The following C14orf132 variants were observed in gnomAD, a reference collection of about 807,000 sequenced individuals.
C14orf132 encodes the protein chromosome 14 open reading frame 132.
In C14orf132, 6 loss-of-function variants were observed where a neutral mutation model predicts 5.8. The observed-to-expected ratio is 1.03, with a 90% CI of 0.57 to 2.04. C14orf132 has a LOEUF of 2.04. C14orf132 is among the 30% of genes most tolerant of loss of function. The pLI is 0.00. For synonymous variants in C14orf132, 51 were observed against 49.8 expected, an observed-to-expected ratio of 1.02 and a Z score of -0.10; for missense variants, 125 against 115.8, an observed-to-expected ratio of 1.08 and a Z score of -0.37.
chr14:96,072,549 G>A (rs943269312), intron 1 of C14orf132, among the ~76,000 whole-genome samples: 2 of 152,104 alleles, frequency 1.3e-5, no homozygotes, highest in African/African-American at 4.8e-5. Flanking sequence ...GGGATGATAC[G>A]GTTCTCTAAC....
chr14:96,079,334 G>T lies in C14orf132; in HGVS notation c.28-7177G>T, dbSNP rs141373752. Among the ~76,000 whole-genome samples, 32 of 152,308 alleles carry T rather than the reference G, an allele frequency of 2.1e-4. No homozygotes were observed. In the East Asian group the frequency reaches 5.2e-3, roughly 25 times the overall value. ...ACAGCTAAAAAGGAACCACGCAGGAGCTCAGTCTCATGCCTGATTCTGCAG... is the reference window on the plus strand; with the variant it reads ...ACAGCTAAAAAGGAACCACGCAGGATCTCAGTCTCATGCCTGATTCTGCAG... On this transcript the variant is annotated intron_variant, in intron 1 of 1. Coordinates refer to ENST00000555004, the MANE Select transcript of C14orf132 (RefSeq NM_001252507.3).
chr14:96,077,052 T>C (rs1314602323), intron 1 of C14orf132, among the ~76,000 whole-genome samples: 1 of 152,236 alleles, frequency 6.6e-6, no homozygotes, highest in Non-Finnish European at 1.5e-5. Context: ...GAAGGTTTGC[T>C]TTATGACCCA....
At position 96,089,161 on chromosome 14, in the gene C14orf132, G is replaced by T. The variant is rs1888302988; in HGVS notation, c.*2426G>T. Reference sequence around the variant, plus strand: ...GATATGCCCATTAGTGTCTGATTAAGGAGCAAAGGCTGGATTTCTGGCCAC... The same window carrying T: ...GATATGCCCATTAGTGTCTGATTAATGAGCAAAGGCTGGATTTCTGGCCAC... On this transcript the variant is annotated 3_prime_UTR_variant, in exon 2 of 2. Coordinates refer to ENST00000555004, the MANE Select transcript of C14orf132 (RefSeq NM_001252507.3). 1 of 152,206 alleles carries T rather than the reference G, an allele frequency of 6.6e-6. No individual in the cohort carries two copies. Among genetic ancestry groups the T allele is most frequent in the Non-Finnish European group, 1.5e-5 (1 of 68,054 alleles). The allele number at this position is 152,206 out of a possible 1,614,324, so 9.4% of individuals were successfully genotyped here.
chr14:96,042,758 G>A (rs939112036), intron 1 of C14orf132, among the ~76,000 whole-genome samples: 3 of 152,150 alleles, frequency 2.0e-5, no homozygotes, highest in African/African-American at 7.2e-5. Context: ...GAGTGTGCTC[G>A]TGGACCCCAT....
chr14:96,081,981 C>G (rs1241386611), intron 1 of C14orf132, among the ~76,000 whole-genome samples: 1 of 152,166 alleles, frequency 6.6e-6, no homozygotes, highest in African/African-American at 2.4e-5. Context: ...AAGCCCCCCT[C>G]GCCCCCCAGG....
chr14:96,046,234 C>T (rs1432761926), intron 1 of C14orf132, among the ~76,000 whole-genome samples: 12 of 152,176 alleles, frequency 7.9e-5, no homozygotes, highest in African/African-American at 2.4e-4. Flanking sequence ...GATTCCAGCT[C>T]TTGATGTAGT....
At chr14:96,079,306 C>A (rs1030138187) in intron 1 of C14orf132, among the ~76,000 whole-genome samples, 5 of 152,190 alleles carry the variant, frequency 3.3e-5, no homozygotes, top group African/African-American at 4.8e-5. Flanking sequence ...TTGCCCTCAT[C>A]ATACAGCTAA....
chr14:96,045,212 G>A (rs1294549626), intron 1 of C14orf132, among the ~76,000 whole-genome samples: 2 of 152,184 alleles, frequency 1.3e-5, no homozygotes, highest in African/African-American at 4.8e-5. Context: ...CCTTCCAAGT[G>A]ATAGATAACA....
At chr14:96,084,978 G>A (rs546454333) in intron 1 of C14orf132, among the ~76,000 whole-genome samples, 92 of 152,330 alleles carry the variant, frequency 6.0e-4, no homozygotes, top group African/African-American at 2.2e-3. Context: ...CCAGGCACGT[G>A]TGTGCCTCTC....
chr14:96,069,256 C>CATATAT (rs55648129), intron 1 of C14orf132, among the ~76,000 whole-genome samples: 192 of 95,130 alleles, frequency 2.0e-3, no homozygotes, highest in Non-Finnish European at 3.1e-3. Context: ...TGTTTATGTT[C>CATATAT]ATATATATAT....
At chr14:96,077,676 G>A (rs1887912850) in intron 1 of C14orf132, among the ~76,000 whole-genome samples, 2 of 152,204 alleles carry the variant, frequency 1.3e-5, no homozygotes, top group African/African-American at 4.8e-5. Context: ...ACTTTGTATG[G>A]CAGCCAGAGC....
At chr14:96,077,079 G>C (rs1163707050) in intron 1 of C14orf132, among the ~76,000 whole-genome samples, 1 of 152,194 alleles carries the variant, frequency 6.6e-6, no homozygotes, top group Non-Finnish European at 1.5e-5. Flanking sequence ...GGTCTGTCCT[G>C]GTGACTATTT....
intron 1 of C14orf132, among the ~76,000 whole-genome samples, chr14:96,075,387 C>CTG (rs1338828842): frequency 1.3e-5 from 2 of 152,100 alleles, no homozygotes; most frequent in Non-Finnish European, 2.9e-5. Flanking sequence ...TAAGGCATCT[C>CTG]TATATATATA....
At chr14:96,060,715 C>G (rs1303454752) in intron 1 of C14orf132, among the ~76,000 whole-genome samples, 2 of 152,178 alleles carry the variant, frequency 1.3e-5, no homozygotes, top group Non-Finnish European at 2.9e-5. Context: ...ATGCTTTGGC[C>G]AGAGGCCTCT....
chr14:96,048,454 G>C (rs544718555), intron 1 of C14orf132, among the ~76,000 whole-genome samples: 129 of 152,252 alleles, frequency 8.5e-4, no homozygotes, highest in African/African-American at 3.0e-3. Flanking sequence ...TAGCTTTTCA[G>C]ATTGGCTGCT....
chr14:96,083,593 G>A (rs1032976170), intron 1 of C14orf132, among the ~76,000 whole-genome samples: 8 of 152,196 alleles, frequency 5.3e-5, no homozygotes, highest in African/African-American at 1.9e-4. Flanking sequence ...TGGCTTTGAA[G>A]ATGGAGGAAG....
At chr14:96,049,653 T>TACGTATATATATACATATAGAG (rs371381526) in intron 1 of C14orf132, among the ~76,000 whole-genome samples, 1 of 82,282 alleles carries the variant, frequency 1.2e-5, no homozygotes, top group Admixed American at 1.3e-4. Context: ...TATATATATA[T>TACGTATATATATACATATAGAG]AGAGAGAGAG....
chr14:96,075,017 T>C (rs1363645299), intron 1 of C14orf132, among the ~76,000 whole-genome samples: 2 of 152,232 alleles, frequency 1.3e-5, no homozygotes, highest in Non-Finnish European at 2.9e-5. Flanking sequence ...AGAATTCACA[T>C]CTTAACAATA....
rs1888276183 is a variant in C14orf132, at chr14:96,088,440, A to G, written c.*1705A>G. 1 of 152,332 alleles carries G rather than the reference A, an allele frequency of 6.6e-6. No homozygotes were observed. The highest frequency in any genetic ancestry group is 2.4e-5 in the African/African-American group (1 of 41,456). The allele number at this position is 152,332 out of a possible 1,614,324, so 9.4% of individuals were successfully genotyped here. The stretch of plus-strand genomic sequence containing the variant: ...CCCTTGACAATGAGGGAGAAGGGAC[A>G]TGGACCACCTGTCTGGAATTCCTGG... On this transcript the variant is annotated 3_prime_UTR_variant, in exon 2 of 2. Transcript: ENST00000555004.
Sources: allele counts gnomAD v4.1 joint callset (sites outside exome capture counted in the v4.1 genomes callset), GRCh38; gene constraint gnomAD v4.1.1; transcripts MANE v1.5; gene names NCBI Gene and HGNC (gene_info 2026-07-23, HGNC 2026-07-21).